Variants in ARHGAP10 observed in about 807,000 individuals in gnomAD.
The protein encoded by ARHGAP10 is rho GTPase-activating protein 10.
In ARHGAP10, 87 loss-of-function variants were observed where a neutral mutation model predicts 108.6. The observed-to-expected ratio is 0.80, with a 90% CI of 0.67 to 0.96. The LOEUF is 0.96. Among genes scored for constraint, ARHGAP10 ranks in the 40% least tolerant of loss-of-function variants. The pLI, the probability that ARHGAP10 is intolerant of heterozygous loss-of-function variation, is 0.00. For missense variants in ARHGAP10, 939 were observed against 954.5 expected, an observed-to-expected ratio of 0.98 and a Z score of 0.21; for synonymous variants, 347 against 341.1, an observed-to-expected ratio of 1.02 and a Z score of -0.19.
intron 7 of ARHGAP10, among the ~76,000 whole-genome samples, chr4:147,867,176 G>C (rs1734601162): frequency 6.6e-6 from 1 of 152,306 alleles, no homozygotes; most frequent in East Asian, 1.9e-4. Context: ...TTTGTTCCCA[G>C]ATAGGCTTAT....
Position 147,965,034 on chromosome 4 carries a change from C to T in ARHGAP10, c.1461C>T (p.Ser487=), listed in dbSNP as rs17024215. The T allele has an allele frequency of 2.0e-3, 3,191 of 1,567,386 alleles. 41 individuals carry two copies. In the African/African-American group the frequency reaches 0.028, roughly 14 times the overall value. Residue 487 remains serine, a synonymous_variant, in exon 17 of 23, where the codon AGC becomes AGT. Transcript: ENST00000336498. ...TTTTTTTTTTGGAAGAAAGCGGCAG[C>T]CCAGAATCTCGTGTTAATGCGATCC... ...GDFIVPAKSG[S]PESRVNAIHF... is the part of the protein sequence containing the mutation.
At chr4:147,822,682 G>A in intron 1 of ARHGAP10, 45 bp from the exon 2 acceptor site, 1 of 1,553,120 alleles carries the variant, frequency 6.4e-7, no homozygotes, top group Non-Finnish European at 8.9e-7. Context: ...TTTATGCTTT[G>A]ACATAAAACA....
intron 1 of ARHGAP10, among the ~76,000 whole-genome samples, chr4:147,740,419 G>T (rs1424609119): frequency 2.0e-5 from 3 of 152,146 alleles, no homozygotes; most frequent in African/African-American, 4.8e-5. Flanking sequence ...CTGTAAAGGG[G>T]TGTAACCGTG....
chr4:147,989,226 A>T (rs1740167982), intron 18 of ARHGAP10, among the ~76,000 whole-genome samples: 1 of 152,244 alleles, frequency 6.6e-6, no homozygotes, highest in South Asian at 2.1e-4. Context: ...GACAGACATC[A>T]AGTACTTAAC....
chr4:147,995,821 A>C (rs1272630523), intron 18 of ARHGAP10, among the ~76,000 whole-genome samples: 2 of 151,786 alleles, frequency 1.3e-5, no homozygotes, highest in Non-Finnish European at 2.9e-5. Flanking sequence ...GGTTCACGCC[A>C]TTCTCCTGCC....
intron 18 of ARHGAP10, 122 bp downstream of exon 18, chr4:147,966,961 T>C (rs1223229797): frequency 5.5e-6 from 5 of 902,578 alleles, no homozygotes; most frequent in Non-Finnish European, 7.7e-6. Flanking sequence ...ATTCTCACTG[T>C]GATGAGCTTG....
At chr4:147,879,372 A>T (rs754139215) in intron 9 of ARHGAP10, 34 bp downstream of exon 9, 2 of 1,579,400 alleles carry the variant, frequency 1.3e-6, no homozygotes, top group South Asian at 2.2e-5. Context: ...ATAGATTATA[A>T]TCTGTCAGAG....
chr4:147,990,396 G>T (rs895586084), intron 18 of ARHGAP10, among the ~76,000 whole-genome samples: 1 of 152,134 alleles, frequency 6.6e-6, no homozygotes, highest in African/African-American at 2.4e-5. Flanking sequence ...GGCACACTGG[G>T]GCATGACAGT....
chr4:147,947,820 T>C (rs1197437194), intron 15 of ARHGAP10, among the ~76,000 whole-genome samples: 2 of 152,204 alleles, frequency 1.3e-5, no homozygotes, highest in Admixed American at 6.5e-5. Flanking sequence ...TAAAAAATTA[T>C]GAAAAATTTC....
At chr4:148,016,532 A>G (rs1397023939) in intron 18 of ARHGAP10, among the ~76,000 whole-genome samples, 1 of 152,066 alleles carries the variant, frequency 6.6e-6, no homozygotes, top group African/African-American at 2.4e-5. Context: ...GAGGGAAAAA[A>G]TGCAAATTGT....
chr4:147,854,287 C>G (rs937564014), intron 4 of ARHGAP10, among the ~76,000 whole-genome samples: 3 of 152,112 alleles, frequency 2.0e-5, no homozygotes, highest in Non-Finnish European at 2.9e-5. Flanking sequence ...TTCAGCAGTT[C>G]CAGAGAAATC....
At chr4:147,897,865 A>G (rs1736059339) in intron 10 of ARHGAP10, among the ~76,000 whole-genome samples, 1 of 151,818 alleles carries the variant, frequency 6.6e-6, no homozygotes, top group Admixed American at 6.6e-5. Context: ...CTATATGTGT[A>G]TATTTATTTA....
Position 147,922,860 on chromosome 4 carries a change from C to T in ARHGAP10, c.1228+9721C>T, listed in dbSNP as rs376618897. Among the ~76,000 whole-genome samples the T allele has an allele frequency of 1.8e-4, 28 of 152,252 alleles. No homozygotes were observed. The East Asian group carries it at 2.7e-3, about 15-fold the overall frequency. ...TGAAATGTGCATGTGCCTCATTTGG[C>T]AGTTATATTGCCTGGTATTTTAAGT... On this transcript the variant is annotated intron_variant, in intron 13 of 22. Transcript: ENST00000336498.
At chr4:147,872,446 A>T (rs528166091) in intron 7 of ARHGAP10, among the ~76,000 whole-genome samples, 6 of 152,340 alleles carry the variant, frequency 3.9e-5, no homozygotes, top group Non-Finnish European at 7.3e-5. Flanking sequence ...ATATAGGTAG[A>T]TAAAGAAGTA....
At chr4:147,992,245 C>G (rs1740304387) in intron 18 of ARHGAP10, among the ~76,000 whole-genome samples, 1 of 152,114 alleles carries the variant, frequency 6.6e-6, no homozygotes, top group Non-Finnish European at 1.5e-5. Context: ...TCGGTCCCCA[C>G]ATTTTTTGGA....
intron 18 of ARHGAP10, among the ~76,000 whole-genome samples, chr4:148,010,985 G>C (rs939222445): frequency 4.6e-5 from 7 of 152,194 alleles, no homozygotes; most frequent in Non-Finnish European, 8.8e-5. Context: ...CTCAGACTTA[G>C]TCTTTCATGA....
intron 10 of ARHGAP10, among the ~76,000 whole-genome samples, chr4:147,885,939 A>C (rs550792188): frequency 6.6e-6 from 1 of 152,180 alleles, no homozygotes; most frequent in African/African-American, 2.4e-5. Flanking sequence ...AAATGCAAAA[A>C]TTTTTTAGCA....
At chr4:147,970,982 A>G (rs1739383700) in intron 18 of ARHGAP10, among the ~76,000 whole-genome samples, 1 of 151,034 alleles carries the variant, frequency 6.6e-6, no homozygotes, top group Non-Finnish European at 1.5e-5. Context: ...AATCCCAGCT[A>G]TTCAGGAGGC....
chr4:147,797,720 G>T (rs144657176), intron 1 of ARHGAP10, among the ~76,000 whole-genome samples: 2 of 152,160 alleles, frequency 1.3e-5, no homozygotes, highest in South Asian at 4.2e-4. Context: ...CAGCCAACAC[G>T]CCCGGCCCCC....
Sources: allele counts gnomAD v4.1 joint callset (sites outside exome capture counted in the v4.1 genomes callset), GRCh38; gene constraint gnomAD v4.1.1; transcripts MANE v1.5; gene names NCBI Gene and HGNC (gene_info 2026-07-23, HGNC 2026-07-21).